The following PPP1R1C variants were observed in gnomAD, a reference collection of about 807,000 sequenced individuals.
The protein encoded by PPP1R1C is protein phosphatase 1 regulatory subunit 1C.
In PPP1R1C, 15 loss-of-function variants were observed where a neutral mutation model predicts 17.4. The ratio of observed to expected loss-of-function variants is 0.86; its 90% CI spans 0.58 to 1.33. PPP1R1C has a LOEUF of 1.33. PPP1R1C is among the 40% of genes most tolerant of loss of function. The probability of loss-of-function intolerance (pLI) is 0.00; values close to 1 mark genes in which losing one functional copy is unlikely to be tolerated. For missense variants in PPP1R1C, 143 were observed against 130.0 expected, an observed-to-expected ratio of 1.10 and a Z score of -0.48; for synonymous variants, 35 against 43.1, an observed-to-expected ratio of 0.81 and a Z score of 0.73.
intron 2 of PPP1R1C, among the ~76,000 whole-genome samples, chr2:182,024,292 A>G (rs1256200756): frequency 6.6e-6 from 1 of 152,180 alleles, no homozygotes; most frequent in Non-Finnish European, 1.5e-5. Context: ...TATGTTTTGG[A>G]AGAGAATGTA....
At chr2:182,119,848 T>C (rs1020710198), downstream of PPP1R1C, among the ~76,000 whole-genome samples, 62 of 152,284 alleles carry the variant, frequency 4.1e-4, no homozygotes, top group Non-Finnish European at 8.1e-4. Flanking sequence ...TTCTCCCATT[T>C]TGTAGGTTGC....
chr2:182,083,285 G>A (rs1408878195), intron 4 of PPP1R1C, among the ~76,000 whole-genome samples: 2 of 152,158 alleles, frequency 1.3e-5, no homozygotes, highest in South Asian at 4.1e-4. Context: ...TAGAGGTACA[G>A]GTGGTTTTTG....
chr2:182,075,946 GTC>G lies in PPP1R1C; in HGVS notation c.241+12158_241+12159del, dbSNP rs1238876628. The stretch of plus-strand genomic sequence containing the variant: ...TAATGCTCACATTATGTAAAAATAG[GTC>G]TCAAAACATATTTTTGTGTGGCAAA... On this transcript the variant is annotated intron_variant, in intron 4 of 4. Coordinates refer to ENST00000682840, the MANE Select transcript of PPP1R1C (RefSeq NM_001080545.3). Among the ~76,000 whole-genome samples the G allele has an allele frequency of 5.3e-5, 8 of 151,948 alleles. No homozygotes were observed. In the East Asian group the frequency reaches 1.5e-3, roughly 29 times the overall value.
intron 5 of PPP1R1C, among the ~76,000 whole-genome samples, chr2:182,125,592 C>T (rs933651828): frequency 1.1e-4 from 17 of 152,020 alleles, no homozygotes; most frequent in South Asian, 4.1e-4. Flanking sequence ...TTGCTCTATT[C>T]GGGGATTTGA....
upstream of PPP1R1C, among the ~76,000 whole-genome samples, chr2:181,985,165 T>G (rs142181501): frequency 6.6e-6 from 1 of 152,236 alleles, no homozygotes; most frequent in African/African-American, 2.4e-5. This position sits in a 1 kb window ranked among gnomAD's most constrained non-coding sequence, Gnocchi z 4.1. Flanking sequence ...ATAGAGGTCA[T>G]TGAAGCAGCA....
intron 2 of PPP1R1C, among the ~76,000 whole-genome samples, chr2:182,015,368 C>T (rs1686230492): frequency 6.6e-6 from 1 of 152,150 alleles, no homozygotes; most frequent in Non-Finnish European, 1.5e-5. Flanking sequence ...AATTGTGAGG[C>T]CTCCCTAGCC....
At chr2:182,060,252 A>C (rs1687811378) in intron 2 of PPP1R1C, among the ~76,000 whole-genome samples, 1 of 152,146 alleles carries the variant, frequency 6.6e-6, no homozygotes, top group South Asian at 2.1e-4. Flanking sequence ...GGTTCCATAT[A>C]CTATTCCCAT....
chr2:182,081,932 G>A (rs1688492497), intron 4 of PPP1R1C, among the ~76,000 whole-genome samples: 1 of 152,102 alleles, frequency 6.6e-6, no homozygotes, highest in Non-Finnish European at 1.5e-5. Context: ...CAGAAACTTT[G>A]TAGTTAATGG....
chr2:182,112,398 TA>T (rs944109895), intron 4 of PPP1R1C, among the ~76,000 whole-genome samples: 4 of 152,148 alleles, frequency 2.6e-5, no homozygotes, highest in Non-Finnish European at 5.9e-5. Context: ...ACAACCACAA[TA>T]ACAAAAGGAT....
intron 2 of PPP1R1C, among the ~76,000 whole-genome samples, chr2:182,031,805 A>G (rs902822466): frequency 6.6e-6 from 1 of 152,238 alleles, no homozygotes; most frequent in African/African-American, 2.4e-5. Context: ...TACTATGAGT[A>G]ATTCTACTAC....
upstream of PPP1R1C, among the ~76,000 whole-genome samples, chr2:181,982,430 A>G (rs919170858): frequency 3.3e-5 from 5 of 152,244 alleles, no homozygotes; most frequent in Non-Finnish European, 5.9e-5. Context: ...TTTAGTAACT[A>G]CTAGATGACG....
chr2:182,089,814 A>T (rs2125219799), intron 4 of PPP1R1C, among the ~76,000 whole-genome samples: 1 of 152,212 alleles, frequency 6.6e-6, no homozygotes, highest in South Asian at 2.1e-4. Context: ...AACAGTACAT[A>T]TCAATTTCTA....
chr2:182,104,744 G>A (rs1050936954), intron 4 of PPP1R1C, among the ~76,000 whole-genome samples: 1 of 152,146 alleles, frequency 6.6e-6, no homozygotes, highest in African/African-American at 2.4e-5. Flanking sequence ...ATCCTTTTGT[G>A]GCTTTGGTAT....
chr2:182,109,376 C>A (rs933292302), intron 4 of PPP1R1C, among the ~76,000 whole-genome samples: 1 of 152,130 alleles, frequency 6.6e-6, no homozygotes, highest in African/African-American at 2.4e-5. Context: ...TCTTTTCTTT[C>A]ATGGATTATG....
chr2:181,985,758 G>C (rs1386581866), upstream of PPP1R1C: 1 of 290,462 alleles, frequency 3.4e-6, no homozygotes, highest in Non-Finnish European at 6.5e-6. This position sits in a 1 kb window ranked among gnomAD's most constrained non-coding sequence, Gnocchi z 4.1. Context: ...TCAAATCCCA[G>C]GGCAGTGGGT....
At chr2:182,102,749 C>T (rs532474823) in intron 4 of PPP1R1C, among the ~76,000 whole-genome samples, 15 of 152,088 alleles carry the variant, frequency 9.9e-5, no homozygotes, top group African/African-American at 3.6e-4. Context: ...TATATGTATG[C>T]TGAAAGTAAG....
At chr2:182,018,359 T>G (rs762395190) in intron 2 of PPP1R1C, among the ~76,000 whole-genome samples, 53 of 152,226 alleles carry the variant, frequency 3.5e-4, no homozygotes, top group Admixed American at 2.4e-3. Flanking sequence ...AGTAGATGAT[T>G]CATTATTTAA....
chr2:182,046,300 A>G (rs1263062622), intron 2 of PPP1R1C, among the ~76,000 whole-genome samples: 1 of 152,120 alleles, frequency 6.6e-6, no homozygotes, highest in African/African-American at 2.4e-5. Flanking sequence ...TTTGACCTAT[A>G]TCATCCCATT....
At chr2:182,108,110 T>C (rs965877681) in intron 4 of PPP1R1C, among the ~76,000 whole-genome samples, 2 of 152,118 alleles carry the variant, frequency 1.3e-5, no homozygotes, top group African/African-American at 4.8e-5. Context: ...ATGGAAATGT[T>C]TGTTATCTTG....
Sources: gnomAD v4.1 joint callset for allele counts (sites outside exome capture counted in the v4.1 genomes callset) on GRCh38, gnomAD v4.1.1 for gene constraint, Gnocchi (gnomAD v3.1) non-coding constraint, MANE v1.5 for transcripts, NCBI Gene and HGNC (gene_info 2026-07-23, HGNC 2026-07-21) for gene names.